PPP2R2D: variants seen among roughly 807,000 people sequenced by gnomAD.
PPP2R2D encodes serine/threonine-protein phosphatase 2A 55 kDa regulatory subunit B delta isoform.
A neutral mutation model predicts 31.1 loss-of-function variants in PPP2R2D; 9 were observed. That is an observed-to-expected ratio of 0.29 (90% CI 0.17 to 0.51). The LOEUF (loss-of-function observed/expected upper bound fraction) is 0.51. Among genes scored for constraint, PPP2R2D ranks in the 20% least tolerant of loss-of-function variants. The pLI, the probability that PPP2R2D is intolerant of heterozygous loss-of-function variation, is 0.98. For missense variants in PPP2R2D, 391 were observed against 465.6 expected, an observed-to-expected ratio of 0.84 and a Z score of 1.48; for synonymous variants, 179 against 172.6, an observed-to-expected ratio of 1.04 and a Z score of -0.29.
At chr10:131,926,802 A>G (rs575639135) in intron 2 of PPP2R2D, among the ~76,000 whole-genome samples, 121 of 152,374 alleles carry the variant, frequency 7.9e-4, no homozygotes, top group Non-Finnish European at 1.1e-3. Flanking sequence ...GCCGCAGAGC[A>G]GGAAACAAAT....
At chr10:131,918,136 C>G (rs2035858878) in intron 2 of PPP2R2D, among the ~76,000 whole-genome samples, 1 of 147,528 alleles carries the variant, frequency 6.8e-6, no homozygotes, top group African/African-American at 2.5e-5. Flanking sequence ...TTGTAGGGAC[C>G]TCAGGCGGAT....
At chr10:131,917,715 A>G (rs1554893440) in intron 2 of PPP2R2D, among the ~76,000 whole-genome samples, 2 of 117,626 alleles carry the variant, frequency 1.7e-5, no homozygotes, top group South Asian at 3.4e-4. Flanking sequence ...GGAATGACAC[A>G]GTGTAGGGAC....
At chr10:131,903,301 T>G (rs2035531053) in intron 2 of PPP2R2D, among the ~76,000 whole-genome samples, 2 of 152,108 alleles carry the variant, frequency 1.3e-5, no homozygotes, top group African/African-American at 4.8e-5. Context: ...ACCCCGTCTC[T>G]GCTAAAAATA....
downstream of PPP2R2D, among the ~76,000 whole-genome samples, chr10:131,960,177 C>T (rs1214051268): frequency 1.3e-5 from 2 of 152,368 alleles, no homozygotes; most frequent in East Asian, 3.9e-4. Flanking sequence ...AAGCAGGATC[C>T]ATTCACTTTA....
chr10:131,901,139 G>A lies in PPP2R2D; in HGVS notation c.-10G>A. 3.7e-6 allele frequency: 1 copy of A among 267,734 alleles called. No homozygotes were observed. Among genetic ancestry groups the A allele is most frequent in the Middle Eastern group, 1.1e-3 (1 of 922 alleles). 16.6% of individuals were successfully genotyped at this position (267,734 alleles called of 1,614,324 possible). Reference sequence around the variant, plus strand: ...TGCCGCGGTCCCCGCCCGTCCCGCCGCCGGCTGCCATGGCAGGTGAGGGGT... The same window carrying A: ...TGCCGCGGTCCCCGCCCGTCCCGCCACCGGCTGCCATGGCAGGTGAGGGGT... On this transcript the variant is annotated 5_prime_UTR_variant, in exon 1 of 9. Transcript: ENST00000455566.
intron 2 of PPP2R2D, among the ~76,000 whole-genome samples, chr10:131,925,300 T>C (rs972763566): frequency 3.9e-5 from 6 of 152,232 alleles, no homozygotes; most frequent in Admixed American, 6.5e-5. Context: ...GTACTCTTTG[T>C]CAAGTTGAGG....
Position 131,945,470 on chromosome 10 carries a change from CTGT to C in PPP2R2D, c.820+17_820+19del. On this transcript the variant is annotated intron_variant, in intron 7 of 8. Transcript: ENST00000455566. This position sits in a 1 kb window ranked among gnomAD's most constrained non-coding sequence, Gnocchi z 4.8. The stretch of plus-strand genomic sequence containing the variant: ...ACAGACACTCCAAGTGTAAGTGCGT[CTGT>C]TGTTGAGATGGAGTCTGGCTCTGTC... 1 of 1,595,424 alleles carries C rather than the reference CTGT, an allele frequency of 6.3e-7. No homozygotes were observed. The highest frequency in any genetic ancestry group is 1.1e-5 in the South Asian group (1 of 89,098).
At chr10:131,953,477 G>A in intron 8 of PPP2R2D, among the ~76,000 whole-genome samples, 1 of 113,392 alleles carries the variant, frequency 8.8e-6, no homozygotes. Flanking sequence ...CTGTCTTAGT[G>A]ACTTGTGGGT....
intron 2 of PPP2R2D, among the ~76,000 whole-genome samples, chr10:131,926,842 G>C (rs1406884369): frequency 6.6e-6 from 1 of 152,250 alleles, no homozygotes; most frequent in Non-Finnish European, 1.5e-5. Context: ...CCTCTGCCCA[G>C]CGTGTAGAGG....
rs2036796363 is a variant in PPP2R2D, at chr10:131,956,276, AAATT to A, written c.*316_*319del. The A allele has an allele frequency of 1.4e-5, 15 of 1,057,108 alleles. No homozygotes were observed. The highest frequency in any genetic ancestry group is 1.7e-5 in the Non-Finnish European group (15 of 877,052). The allele number at this position is 1,057,108 out of a possible 1,614,324, so 65.5% of individuals were successfully genotyped here. On this transcript the variant is annotated 3_prime_UTR_variant, in exon 9 of 9. Coordinates refer to ENST00000455566, the MANE Select transcript of PPP2R2D (RefSeq NM_018461.5). ...CTTCCTTTCCAATTTATAGACCAAA[AAATT>A]AACATCCAAGAGAAAAGTTATTGTC... is the stretch of plus-strand genomic sequence containing the variant.
intron 5 of PPP2R2D, among the ~76,000 whole-genome samples, chr10:131,943,267 C>G (rs1346301383): frequency 6.6e-6 from 1 of 152,164 alleles, no homozygotes; most frequent in African/African-American, 2.4e-5. Flanking sequence ...TAGGAAGCCT[C>G]CCTGACCACA....
intron 2 of PPP2R2D, among the ~76,000 whole-genome samples, chr10:131,933,346 TTAG>T (rs1423994907): frequency 6.6e-6 from 1 of 152,208 alleles, no homozygotes; most frequent in Admixed American, 6.5e-5. Context: ...CCATTTCTTC[TTAG>T]TAGGTTGTTT....
In PPP2R2D at chr10:131,931,824, C is replaced by T. The variant is rs72856067; in HGVS notation, c.101-2634C>T. On this transcript the variant is annotated intron_variant, in intron 2 of 8. Transcript: ENST00000455566. ...ATGTTTGAATATTGAGGCCCTTTCC[C>T]CAGGGCTGGAGTATTTCGGAGGGCA... Among the ~76,000 whole-genome samples, 552 of 152,304 alleles carry T rather than the reference C, an allele frequency of 3.6e-3. 3 individuals carry two copies. Among genetic ancestry groups the T allele is most frequent in the Non-Finnish European group, 6.5e-3 (439 of 68,016 alleles).
Position 131,956,315 on chromosome 10 carries a change from T to G in PPP2R2D, c.*352T>G, listed in dbSNP as rs1230200323. The G allele has an allele frequency of 6.0e-6, 6 of 1,001,516 alleles. No homozygotes were observed. In the Admixed American group the frequency reaches 2.4e-4, roughly 40 times the overall value. The allele number at this position is 1,001,516 out of a possible 1,614,324, so 62.0% of individuals were successfully genotyped here. On this transcript the variant is annotated 3_prime_UTR_variant, in exon 9 of 9. Coordinates refer to ENST00000455566, the MANE Select transcript of PPP2R2D (RefSeq NM_018461.5). ...GAGAAAAGTTATTGTCAGATACCGC[T>G]CTTTCTCCAACTTTCCCTCTTTCTC... is the stretch of plus-strand genomic sequence containing the variant.
At chr10:131,967,899 G>A in the PPP2R2D span, 5 of 152,268 alleles carry the variant, frequency 3.3e-5, no homozygotes, top group African/African-American at 7.2e-5. Context: ...CCTAATAATC[G>A]GAGACTTAAT....
intron 2 of PPP2R2D, among the ~76,000 whole-genome samples, chr10:131,910,523 T>G (rs1000237864): frequency 5.9e-5 from 9 of 152,224 alleles, no homozygotes; most frequent in Non-Finnish European, 1.2e-4. Context: ...GTGTTCATTT[T>G]CAAGTCAATT....
chr10:131,901,035 G>GCGGCGGCGGCGGCGGCGGCGGCGGCGC lies in PPP2R2D; in HGVS notation c.-103_-102insGCGGCGGCGGCGGCGCCGGCGGCGGCG. The GCGGCGGCGGCGGCGGCGGCGGCGGCGC allele has an allele frequency of 1.3e-5, 2 of 159,320 alleles. No homozygotes were observed. Among genetic ancestry groups the GCGGCGGCGGCGGCGGCGGCGGCGGCGC allele is most frequent in the East Asian group, 1.9e-4 (1 of 5,388 alleles). 9.9% of individuals were successfully genotyped at this position (159,320 alleles called of 1,614,324 possible). ...AAATCCCTCCCCGGCGGCGGCGGCG[G>GCGGCGGCGGCGGCGGCGGCGGCGGCGC]CGGCGGCGGCGCCGGCGGTGGTGGC... is the stretch of plus-strand genomic sequence containing the variant. On this transcript the variant is annotated 5_prime_UTR_variant, in exon 1 of 9. Transcript: ENST00000455566.
Position 131,944,016 on chromosome 10 carries a change from C to G in PPP2R2D, c.526C>G (p.Arg176Gly), listed in dbSNP as rs782449204. The G allele has an allele frequency of 7.1e-7, 1 of 1,413,328 alleles. No homozygotes were observed. Among genetic ancestry groups the G allele is most frequent in the South Asian group, 1.2e-5 (1 of 86,768 alleles). 87.5% of individuals were successfully genotyped at this position (1,413,328 alleles called of 1,614,324 possible). ...MDLMVEASPR[R>G]IFANAHTYHI... ...TCTTATGGTAGAAGCGAGTCCACGG[C>G]GAATTTTTGCAAATGCTCACACATA... The change falls in exon 6 of 9, where the codon CGA (arginine) becomes GGA (glycine). Residue 176 changes from arginine to glycine, a missense_variant. By Grantham distance (125) the Arg-to-Gly change is moderately radical (BLOSUM62 -2). Around this residue, in one of 3 missense-constraint regions of PPP2R2D, gnomAD observed 105 missense variants for 98.5 expected, o/e 1.07. Transcript: ENST00000455566.
chr10:131,914,214 A>G lies in PPP2R2D; in HGVS notation c.100+12884A>G, dbSNP rs954734268. ...ATCATAGAAATGGTATTAATGAGCA[A>G]AGATATGACCGGCCTCACACCTGTA... On this transcript the variant is annotated intron_variant, in intron 2 of 8. Coordinates refer to ENST00000455566, the MANE Select transcript of PPP2R2D (RefSeq NM_018461.5). Among the ~76,000 whole-genome samples the G allele has an allele frequency of 3.3e-5, 5 of 152,204 alleles. No individual in the cohort carries two copies. In the South Asian group the frequency reaches 1.0e-3, roughly 31 times the overall value.
Sources: gnomAD v4.1 joint callset for allele counts (sites outside exome capture counted in the v4.1 genomes callset) on GRCh38, gnomAD v4.1.1 for gene constraint, gnomAD v4.1.1 regional missense constraint, Gnocchi (gnomAD v3.1) non-coding constraint, MANE v1.5 for transcripts, NCBI Gene and HGNC (gene_info 2026-07-23, HGNC 2026-07-21) for gene names.